The following RBFOX2 variants were observed in gnomAD, a reference collection of about 807,000 sequenced individuals.
The protein encoded by RBFOX2 is RNA binding fox-1 homolog 2, also known as RNA binding protein fox-1 homolog 2.
Under a neutral mutation model 49.1 loss-of-function variants are expected in RBFOX2, and 10 were observed. That is an observed-to-expected ratio of 0.20 (90% CI 0.13 to 0.35). The LOEUF (loss-of-function observed/expected upper bound fraction) is 0.35, where lower values mean the gene tolerates loss of function less well. Among genes scored for constraint, RBFOX2 ranks in the 10% least tolerant of loss-of-function variants. The pLI is 1.00. For missense variants in RBFOX2, 323 were observed against 486.9 expected, an observed-to-expected ratio of 0.66 and a Z score of 3.17; for synonymous variants, 183 against 187.4, an observed-to-expected ratio of 0.98 and a Z score of 0.19.
At chr22:35,893,158 G>A (rs2047445320) in intron 1 of RBFOX2, among the ~76,000 whole-genome samples, 1 of 152,200 alleles carries the variant, frequency 6.6e-6, no homozygotes, top group African/African-American at 2.4e-5. Flanking sequence ...AGCACAAAGT[G>A]GTAAACAAAT....
intron 1 of RBFOX2, among the ~76,000 whole-genome samples, chr22:36,007,738 G>A (rs564630737): frequency 9.9e-5 from 15 of 152,144 alleles, no homozygotes; most frequent in South Asian, 4.1e-4. Flanking sequence ...ATGCACACAC[G>A]GATACTTTTT....
chr22:35,787,655 A>C (rs765726091), intron 2 of RBFOX2, among the ~76,000 whole-genome samples: 5 of 152,242 alleles, frequency 3.3e-5, no homozygotes, highest in Non-Finnish European at 4.4e-5. Context: ...GGGAAATAAA[A>C]GTTTTTAAGT....
intron 1 of RBFOX2, among the ~76,000 whole-genome samples, chr22:35,923,545 A>C (rs1051915204): frequency 6.6e-6 from 1 of 151,982 alleles, no homozygotes; most frequent in Admixed American, 6.6e-5. Context: ...CTAACTTCCA[A>C]ATCTTTTCTA....
chr22:35,874,837 T>C (rs2044811141), intron 1 of RBFOX2, among the ~76,000 whole-genome samples: 1 of 152,198 alleles, frequency 6.6e-6, no homozygotes, highest in Non-Finnish European at 1.5e-5. Context: ...CAAGTTCCTA[T>C]GTTGAGGCCC....
intron 1 of RBFOX2, among the ~76,000 whole-genome samples, chr22:35,871,753 G>A (rs187898581): frequency 6.6e-6 from 1 of 152,292 alleles, no homozygotes; most frequent in East Asian, 1.9e-4. Flanking sequence ...CAGGTTCCAA[G>A]AGAAACTAGA....
chr22:36,009,536 T>C (rs1291532580), intron 1 of RBFOX2, among the ~76,000 whole-genome samples: 1 of 151,972 alleles, frequency 6.6e-6, no homozygotes, highest in East Asian at 1.9e-4. Context: ...ACCATGCCCA[T>C]CTAAGTTTCG....
chr22:35,901,825 T>C (rs1006336196), intron 1 of RBFOX2, among the ~76,000 whole-genome samples: 4 of 152,044 alleles, frequency 2.6e-5, no homozygotes, highest in Admixed American at 2.6e-4. Flanking sequence ...CTCACACCTA[T>C]AATCCCAGCA....
chr22:35,942,723 T>TAAAA (rs35497151), upstream of RBFOX2, among the ~76,000 whole-genome samples: 16 of 129,684 alleles, frequency 1.2e-4, 1 homozygote, highest in South Asian at 3.7e-3. Flanking sequence ...TCCCATCTCT[T>TAAAA]AAAAAAAAAA....
chr22:35,945,543 C>T (rs537933739), intron 1 of RBFOX2, among the ~76,000 whole-genome samples: 23 of 152,232 alleles, frequency 1.5e-4, no homozygotes, highest in South Asian at 1.2e-3. Context: ...CAGACCCAAG[C>T]GATCCTCCTA....
At chr22:35,835,348 C>G (rs2148746122) in intron 1 of RBFOX2, among the ~76,000 whole-genome samples, 1 of 152,288 alleles carries the variant, frequency 6.6e-6, no homozygotes. Context: ...CAGAAACTAT[C>G]TGTCTACCAT....
At chr22:35,746,317 CAG>C in intron 10 of RBFOX2, among the ~76,000 whole-genome samples, 154 bp downstream of exon 12, 1 of 152,230 alleles carries the variant, frequency 6.6e-6, no homozygotes, top group South Asian at 2.1e-4. Flanking sequence ...TTAGGCATGA[CAG>C]AGGCCATCAA....
chr22:35,969,515 A>G (rs2056754681), intron 1 of RBFOX2, among the ~76,000 whole-genome samples: 2 of 152,140 alleles, frequency 1.3e-5, no homozygotes, highest in African/African-American at 2.4e-5. Context: ...TCGAGGTTGC[A>G]GTGAGCCGAG....
chr22:35,935,045 C>T (rs865889328), intron 1 of RBFOX2, among the ~76,000 whole-genome samples: 1 of 152,160 alleles, frequency 6.6e-6, no homozygotes, highest in African/African-American at 2.4e-5. Context: ...AGCAATCCTC[C>T]CACCTCAGCC....
At chr22:35,964,350 CT>C (rs1318406848), upstream of RBFOX2, among the ~76,000 whole-genome samples, 1 of 152,182 alleles carries the variant, frequency 6.6e-6, no homozygotes, top group Non-Finnish European at 1.5e-5. Context: ...GTATTAAACT[CT>C]AAGTAGGCAC....
chr22:35,903,045 G>C (rs1371125161), intron 1 of RBFOX2, among the ~76,000 whole-genome samples: 2 of 152,098 alleles, frequency 1.3e-5, no homozygotes, highest in Admixed American at 1.3e-4. Flanking sequence ...ATAAGTAAAT[G>C]ATTAAATGAA....
chr22:36,002,945 G>A (rs2058487031), intron 1 of RBFOX2, among the ~76,000 whole-genome samples: 1 of 152,210 alleles, frequency 6.6e-6, no homozygotes, highest in East Asian at 1.9e-4. Context: ...CCAGTTCTAA[G>A]CAGCTCCTAC....
At chr22:35,840,082 T>TC in intron 1 of RBFOX2, 1 of 1,433,450 alleles carries the variant, frequency 7.0e-7, no homozygotes. Context: ...TCTGGTCTGT[T>TC]CTAAGAAGAC....
chr22:35,990,378 A>G (rs2057924442), intron 1 of RBFOX2, among the ~76,000 whole-genome samples: 2 of 152,316 alleles, frequency 1.3e-5, no homozygotes, highest in East Asian at 1.9e-4. Context: ...AGTCGAAACA[A>G]GACAGGGAAG....
intron 9 of RBFOX2, among the ~76,000 whole-genome samples, chr22:35,754,220 T>C (rs902738949): frequency 6.6e-6 from 1 of 151,360 alleles, no homozygotes; most frequent in African/African-American, 2.4e-5. Context: ...GCCTCCCGAG[T>C]AGCTGGGACT....
Sources: gnomAD v4.1 joint callset for allele counts (sites outside exome capture counted in the v4.1 genomes callset) on GRCh38, gnomAD v4.1.1 for gene constraint, MANE v1.5 for transcripts, NCBI Gene and HGNC (gene_info 2026-07-23, HGNC 2026-07-21) for gene names.